ZNF568: variants seen among roughly 807,000 people sequenced by gnomAD.
ZNF568 encodes the protein zinc finger protein 568.
ZNF568 carries 11 observed loss-of-function variants against 18.1 expected under a neutral mutation model. The ratio of observed to expected loss-of-function variants is 0.61; its 90% CI spans 0.38 to 1.00. The LOEUF is 1.00. ZNF568 is among the 50% of genes least tolerant of loss of function. ZNF568 has a pLI of 0.01. For missense variants in ZNF568, 639 were observed against 768.2 expected, an observed-to-expected ratio of 0.83 and a Z score of 1.99; for synonymous variants, 213 against 246.6, an observed-to-expected ratio of 0.86 and a Z score of 1.28.
chr19:36,981,131 A>G (rs2074327915), downstream of ZNF568, among the ~76,000 whole-genome samples: 1 of 152,164 alleles, frequency 6.6e-6, no homozygotes, highest in South Asian at 2.1e-4. Context: ...TCTGTCATAA[A>G]TTAAGTTTCC....
At chr19:36,946,113 C>G (rs970359407) in intron 6 of ZNF568, among the ~76,000 whole-genome samples, 1 of 151,662 alleles carries the variant, frequency 6.6e-6, no homozygotes, top group Non-Finnish European at 1.5e-5. Flanking sequence ...ATAATGATAA[C>G]AATAATAATA....
downstream of ZNF568, among the ~76,000 whole-genome samples, chr19:36,956,141 T>C (rs1409827537): frequency 6.6e-6 from 1 of 152,234 alleles, no homozygotes; most frequent in Non-Finnish European, 1.5e-5. Context: ...GGTGTCATCC[T>C]GATCCCTGTG....
At chr19:36,997,543 C>A (rs2074489322), downstream of ZNF568, 3 of 1,586,472 alleles carry the variant, frequency 1.9e-6, no homozygotes, top group Non-Finnish European at 2.6e-6. Context: ...TGGTGAGAAA[C>A]CCTACGAGTG....
rs910962316 is a variant in ZNF568 at position 36,970,289 on chromosome 19, A to G, written c.359-4131A>G. On this transcript the variant is annotated intron_variant, in intron 6 of 7. Transcript: ENST00000427117. ...CCTTTTATTTGGAACTTTTGCATCT[A>G]TAACCACAAATGAAATTAATACTTT... Among the ~76,000 whole-genome samples, 2 of 126,660 alleles carry G rather than the reference A, an allele frequency of 1.6e-5. 1 individual carries two copies. Among genetic ancestry groups the G allele is most frequent in the African/African-American group, 6.2e-5 (2 of 32,262 alleles). The allele number at this position is 126,660 out of a possible 152,430, so 83.1% of individuals were successfully genotyped here.
chr19:36,921,285 A>G (rs992876597), intron 2 of ZNF568, among the ~76,000 whole-genome samples: 1 of 152,096 alleles, frequency 6.6e-6, no homozygotes, highest in South Asian at 2.1e-4. Flanking sequence ...AACATGGAGA[A>G]ATCCCATCTC....
chr19:36,944,860 T>C (rs1439449805), intron 6 of ZNF568, among the ~76,000 whole-genome samples: 1 of 152,198 alleles, frequency 6.6e-6, no homozygotes, highest in Non-Finnish European at 1.5e-5. Flanking sequence ...AAGATGTCTT[T>C]TGAGTTTTCT....
At chr19:36,983,419 C>T (rs1285293113), downstream of ZNF568, among the ~76,000 whole-genome samples, 1 of 152,192 alleles carries the variant, frequency 6.6e-6, no homozygotes, top group East Asian at 1.9e-4. Flanking sequence ...CATCCTCCCC[C>T]CGCCCATAAG....
chr19:36,992,523 A>T (rs2074435194), intron 4 of ZNF568, among the ~76,000 whole-genome samples: 2 of 151,978 alleles, frequency 1.3e-5, no homozygotes, highest in African/African-American at 4.8e-5. Context: ...AAAGTAAAGC[A>T]TGTTTCAGCT....
At chr19:36,974,114 G>A (rs957274781) in intron 6 of ZNF568, among the ~76,000 whole-genome samples, 3 of 152,120 alleles carry the variant, frequency 2.0e-5, no homozygotes, top group African/African-American at 7.2e-5. Flanking sequence ...CTGACAGGTG[G>A]GTCCATTTAA....
intron 4 of ZNF568, among the ~76,000 whole-genome samples, chr19:36,925,550 A>G (rs2073537708): frequency 6.6e-6 from 1 of 152,136 alleles, no homozygotes; most frequent in Admixed American, 6.5e-5. Flanking sequence ...ATGAGGAAAA[A>G]CTTACAATTA....
intron 6 of ZNF568, among the ~76,000 whole-genome samples, chr19:36,940,010 C>T (rs1338769637): frequency 1.3e-5 from 2 of 152,110 alleles, no homozygotes; most frequent in African/African-American, 4.8e-5. Context: ...GATTCAAATT[C>T]TTCCTTGGTT....
At chr19:36,953,741 G>A (rs1023177953), downstream of ZNF568, among the ~76,000 whole-genome samples, 14 of 151,654 alleles carry the variant, frequency 9.2e-5, 1 homozygote, top group Admixed American at 5.9e-4. Context: ...ATGAAACCCC[G>A]TCTCTACTAA....
intron 6 of ZNF568, among the ~76,000 whole-genome samples, chr19:36,958,896 C>G (rs547205273): frequency 6.6e-6 from 1 of 152,242 alleles, no homozygotes; most frequent in South Asian, 2.1e-4. Context: ...GCTGAGATTA[C>G]AGGCGTGAGC....
chr19:36,946,227 G>A (rs1285280380), intron 6 of ZNF568, among the ~76,000 whole-genome samples: 1 of 152,076 alleles, frequency 6.6e-6, no homozygotes, highest in Non-Finnish European at 1.5e-5. Context: ...TAATTTGTCA[G>A]TTTTTATCAA....
chr19:36,933,951 A>G (rs1298660187), intron 4 of ZNF568, among the ~76,000 whole-genome samples: 1 of 56,104 alleles, frequency 1.8e-5, no homozygotes, highest in South Asian at 5.1e-4. Flanking sequence ...TTAGTAATTC[A>G]GTCTCTTGTT....
chr19:36,979,116 T>G, exon 8 of ZNF568: 1 of 252,378 alleles, frequency 4.0e-6, no homozygotes, highest in Non-Finnish European at 7.8e-6. Context: ...CCCGAGTAGC[T>G]GGGATTACAG....
Position 36,991,152 on chromosome 19 carries a change from T to C in ZNF568, c.10-24T>C, listed in dbSNP as rs756118033. 1.5e-5 allele frequency: 23 copies of C among 1,517,786 alleles called. 1 individual carries two copies. The South Asian group carries it at 1.7e-4, about 11-fold the overall frequency. The allele number at this position is 1,517,786 out of a possible 1,614,324, so 94.0% of individuals were successfully genotyped here. A position where few individuals can be genotyped will look rare whatever the true frequency, so the allele number is the denominator to read the frequency against. On this transcript the variant is annotated intron_variant, in intron 2 of 4. Coordinates refer to the ZNF568 transcript ENST00000433993. ...AGATTTTGTCCATGAATTTCACAAA[T>C]GGTGTATTTATTTTTGGTTTCAGGG...
At chr19:36,988,719 G>A (rs1272937622) in intron 2 of ZNF568, among the ~76,000 whole-genome samples, 1 of 152,090 alleles carries the variant, frequency 6.6e-6, no homozygotes, top group Admixed American at 6.5e-5. Context: ...CAGACACATT[G>A]TAATCCTAGC....
At chr19:36,925,506 A>T (rs2073536814) in intron 4 of ZNF568, among the ~76,000 whole-genome samples, 1 of 152,220 alleles carries the variant, frequency 6.6e-6, no homozygotes, top group Admixed American at 6.5e-5. Flanking sequence ...GGGACACTTA[A>T]GTTTATTCCG....
Sources: allele counts gnomAD v4.1 joint callset (sites outside exome capture counted in the v4.1 genomes callset), GRCh38; gene constraint gnomAD v4.1.1; transcripts MANE v1.5; gene names NCBI Gene and HGNC (gene_info 2026-07-23, HGNC 2026-07-21).